The following CRYBB1 variants were observed in gnomAD, a reference collection of about 807,000 sequenced individuals.
The protein encoded by CRYBB1 is beta-crystallin B1.
In CRYBB1, 16 loss-of-function variants were observed where a neutral mutation model predicts 29.5. The observed-to-expected ratio is 0.54, with a 90% CI of 0.37 to 0.82. CRYBB1 has a LOEUF of 0.82. Among genes scored for constraint, CRYBB1 ranks in the 40% least tolerant of loss-of-function variants. The pLI, the probability that CRYBB1 is intolerant of heterozygous loss-of-function variation, is 0.00. For missense variants in CRYBB1, 300 were observed against 350.5 expected (o/e 0.86, Z 1.15); for synonymous variants, 127 against 136.7 (o/e 0.93, Z 0.49).
chr22:26,610,589 T>C (rs1929125859), intron 3 of CRYBB1, among the ~76,000 whole-genome samples: 2 of 152,314 alleles, frequency 1.3e-5, no homozygotes, highest in Admixed American at 1.3e-4. Flanking sequence ...TGAGGCTGCG[T>C]TGACCACACT....
chr22:26,603,710 C>T (rs1181522755), intron 4 of CRYBB1, among the ~76,000 whole-genome samples: 1 of 151,870 alleles, frequency 6.6e-6, no homozygotes, highest in African/African-American at 2.4e-5. Context: ...TCGAGACCAG[C>T]CTGACTAACA....
intron 4 of CRYBB1, among the ~76,000 whole-genome samples, chr22:26,603,125 C>CAAAAAAA (rs779127242): frequency 3.8e-4 from 26 of 68,804 alleles, no homozygotes; most frequent in South Asian, 4.9e-4. Context: ...GACTCCGTCT[C>CAAAAAAA]AAAAAAAAAA....
chr22:26,606,899 C>T (rs1040377086), intron 4 of CRYBB1, among the ~76,000 whole-genome samples: 1 of 152,034 alleles, frequency 6.6e-6, no homozygotes, highest in Non-Finnish European at 1.5e-5. Context: ...TTGGAGATAT[C>T]GCCACCATTT....
At position 26,599,286 on chromosome 22, in the gene CRYBB1, A is replaced by C. The variant is rs1205621547; in HGVS notation, c.*204T>G. The C allele has an allele frequency of 1.7e-6, 1 of 591,882 alleles. No homozygotes were observed. The highest frequency in any genetic ancestry group is 3.0e-6 in the Non-Finnish European group (1 of 333,106). The allele number at this position is 591,882 out of a possible 1,614,324, so 36.7% of individuals were successfully genotyped here. A position where few individuals can be genotyped will look rare whatever the true frequency, so the allele number is the denominator to read the frequency against. On this transcript the variant is annotated 3_prime_UTR_variant, in exon 6 of 6. Transcript: ENST00000647684. ...ACATAACAGGCAGAAAGAACTTTTC[A>C]GTGTTTGCTGCTTTTATTATCGTTG...
chr22:26,605,671 C>CAAAAAAAAAAAAAA (rs771110435), intron 4 of CRYBB1, among the ~76,000 whole-genome samples: 1 of 54,198 alleles, frequency 1.8e-5, no homozygotes, highest in African/African-American at 6.9e-5. Flanking sequence ...AGATGTGTCT[C>CAAAAAAAAAAAAAA]AAAAAAAAAA....
At position 26,608,134 on chromosome 22, in the gene CRYBB1, A is replaced by G; in HGVS notation, c.300-113T>C. The G allele has an allele frequency of 2.7e-6, 4 of 1,493,204 alleles. No individual in the cohort carries two copies. In the South Asian group the frequency reaches 3.5e-5, roughly 13 times the overall value. 92.5% of individuals were successfully genotyped at this position (1,493,204 alleles called of 1,614,324 possible). ...CAAGGCAGCCCTGAGGACAGTAGGA[A>G]AGTCCAAAGGGGGCTGAACATGTCT... On this transcript the variant is annotated intron_variant, in intron 3 of 5. Transcript: ENST00000647684.
Position 26,608,033 on chromosome 22 carries a change from A to G in CRYBB1, c.300-12T>C. On this transcript the variant is annotated splice_polypyrimidine_tract_variant and intron_variant, in intron 3 of 5. Coordinates refer to ENST00000647684, the MANE Select transcript of CRYBB1 (RefSeq NM_001887.4). ...CAAAGGCGACCCAGCTGGATACAAG[A>G]AGGACCATGAGGCAGACAGGAGACA... 6.2e-7 allele frequency: 1 copy of G among 1,614,132 alleles called. No individual in the cohort carries two copies.
At chr22:26,612,292 A>G (rs1569207002) in intron 2 of CRYBB1, 102 bp from the exon 3 acceptor site, 2 of 755,070 alleles carry the variant, frequency 2.6e-6, no homozygotes, top group East Asian at 5.2e-5. Context: ...GAGTCACATA[A>G]AAGTGTGATG....
chr22:26,611,104 C>T (rs893702016), intron 3 of CRYBB1, among the ~76,000 whole-genome samples: 9 of 152,190 alleles, frequency 5.9e-5, no homozygotes, highest in Non-Finnish European at 1.5e-5. Flanking sequence ...GAGACACCCA[C>T]AGAGACAGGA....
At chr22:26,612,918 C>T (rs560270838) in intron 2 of CRYBB1, among the ~76,000 whole-genome samples, 5 of 152,166 alleles carry the variant, frequency 3.3e-5, no homozygotes, top group African/African-American at 1.2e-4. Context: ...CCCCCACTGT[C>T]CTCTCCCCAT....
chr22:26,599,476 A>G lies in CRYBB1; in HGVS notation c.*14T>C. The G allele has an allele frequency of 6.2e-7, 1 of 1,603,432 alleles. No individual in the cohort carries two copies. Among genetic ancestry groups the G allele is most frequent in the Non-Finnish European group, 8.5e-7 (1 of 1,172,498 alleles). On this transcript the variant is annotated 3_prime_UTR_variant, in exon 6 of 6. Coordinates refer to ENST00000647684, the MANE Select transcript of CRYBB1 (RefSeq NM_001887.4). Reference sequence around the variant, plus strand: ...AAGAAGGGTTGGGGCAAGGTAGCAGAGTGAGGTGTGGACTCACTTGGGGGG... The same window carrying G: ...AAGAAGGGTTGGGGCAAGGTAGCAGGGTGAGGTGTGGACTCACTTGGGGGG...
chr22:26,607,809 T>C (rs1283052779), intron 4 of CRYBB1, 80 bp downstream of exon 4: 9 of 1,601,070 alleles, frequency 5.6e-6, no homozygotes, highest in Non-Finnish European at 6.8e-6. Flanking sequence ...CATCTCCTTC[T>C]TGCCCTTGTC....
At chr22:26,609,230 A>G (rs4822750) in intron 3 of CRYBB1, among the ~76,000 whole-genome samples, 27,053 of 152,250 alleles carry the variant, frequency 0.18, 3,160 homozygotes, top group South Asian at 0.38. Flanking sequence ...CTGAGACAGA[A>G]TGCATCACAG....
rs2071858 is a variant in CRYBB1 at position 26,607,561 on chromosome 22, A to G, written c.432+328T>C. 0.012 allele frequency among the ~76,000 whole-genome samples: 282 copies of G among 23,774 alleles called. 1 individual carries two copies. In the East Asian group the frequency reaches 0.28, roughly 23 times the overall value. The allele number at this position is 23,774 out of a possible 152,430, so 15.6% of individuals were successfully genotyped here. On this transcript the variant is annotated intron_variant, in intron 4 of 5. Coordinates refer to ENST00000647684, the MANE Select transcript of CRYBB1 (RefSeq NM_001887.4). ...GACACAGCAAAACCCCATCTTTGGG[A>G]AAAAAAAAAAAAAAAAAAGCTCCCA...
chr22:26,609,593 T>C (rs1481035166), intron 3 of CRYBB1, among the ~76,000 whole-genome samples: 1 of 152,090 alleles, frequency 6.6e-6, no homozygotes, highest in Non-Finnish European at 1.5e-5. Context: ...GGAGAACACA[T>C]GGTGGGTACG....
chr22:26,616,370 AC>A, intron 1 of CRYBB1, 32 bp from the exon 2 acceptor site: 1 of 1,487,766 alleles, frequency 6.7e-7, no homozygotes, highest in Non-Finnish European at 9.3e-7. Flanking sequence ...CAGGGATGAC[AC>A]CCCCAAACTG....
chr22:26,612,322 A>T lies in CRYBB1; in HGVS notation c.181-132T>A. 5 of 667,506 alleles carry T rather than the reference A, an allele frequency of 7.5e-6. No individual in the cohort carries two copies. In the South Asian group the frequency reaches 8.1e-5, roughly 11 times the overall value. 41.3% of individuals were successfully genotyped at this position (667,506 alleles called of 1,614,324 possible). ...GTGATGAGCCACAGTTTGTGAAATG[A>T]TCCTGTCCTCCCATCCCCCAATTCT... On this transcript the variant is annotated intron_variant, in intron 2 of 5. Coordinates refer to ENST00000647684, the MANE Select transcript of CRYBB1 (RefSeq NM_001887.4).
At chr22:26,611,469 GT>G (rs796631077) in intron 3 of CRYBB1, among the ~76,000 whole-genome samples, 36,409 of 133,018 alleles carry the variant, frequency 0.27, 4,430 homozygotes, top group Non-Finnish European at 0.32. Flanking sequence ...TTTTTTTTTT[GT>G]TTTTTTTTTT....
At chr22:26,611,992 A>G (rs761940678) in intron 3 of CRYBB1, 80 bp downstream of exon 3, 31 of 1,020,706 alleles carry the variant, frequency 3.0e-5, no homozygotes, top group Middle Eastern at 2.1e-4. Context: ...CACAGAGCAG[A>G]TGCTGGAGAA....
Sources: allele counts gnomAD v4.1 joint callset (sites outside exome capture counted in the v4.1 genomes callset), GRCh38; gene constraint gnomAD v4.1.1; transcripts MANE v1.5; gene names NCBI Gene and HGNC (gene_info 2026-07-23, HGNC 2026-07-21).